The following RAD51B variants were observed in gnomAD, a reference collection of about 807,000 sequenced individuals.
The protein encoded by RAD51B is RAD51 paralog B.
RAD51B carries 38 observed loss-of-function variants against 42.2 expected under a neutral mutation model. The observed-to-expected ratio is 0.90, with a 90% CI of 0.70 to 1.18. The LOEUF is 1.18. Ranked by LOEUF, RAD51B falls within the 50% of genes most tolerant of loss-of-function variation. The probability of loss-of-function intolerance (pLI) is 0.00; values close to 1 mark genes in which losing one functional copy is unlikely to be tolerated. For synonymous variants in RAD51B, 154 were observed against 145.2 expected (o/e 1.06, Z -0.43); for missense variants, 373 against 400.7 (o/e 0.93, Z 0.59).
At chr14:68,171,881 AT>A (rs1200753001) in intron 7 of RAD51B, among the ~76,000 whole-genome samples, 1 of 151,384 alleles carries the variant, frequency 6.6e-6, no homozygotes, top group Non-Finnish European at 1.5e-5. Flanking sequence ...TAATTTTTGT[AT>A]TTTTAGTAGA....
At chr14:68,402,865 G>T (rs1001707434) in intron 8 of RAD51B, among the ~76,000 whole-genome samples, 1 of 152,178 alleles carries the variant, frequency 6.6e-6, no homozygotes, top group African/African-American at 2.4e-5. Context: ...GGAAACTGAG[G>T]CTCAGTGAGG....
At chr14:68,449,868 T>A (rs1358477341) in intron 9 of RAD51B, among the ~76,000 whole-genome samples, 1 of 152,166 alleles carries the variant, frequency 6.6e-6, no homozygotes, top group Admixed American at 6.5e-5. Context: ...TTCCTCCTTG[T>A]GATTAGAAGA....
chr14:68,498,116 G>A (rs548868801), intron 10 of RAD51B, among the ~76,000 whole-genome samples: 2 of 152,308 alleles, frequency 1.3e-5, no homozygotes, highest in Admixed American at 6.5e-5. Flanking sequence ...GAATCATTTT[G>A]TATTTCCATC....
chr14:68,331,787 G>A (rs1054399717), intron 8 of RAD51B, among the ~76,000 whole-genome samples: 6 of 152,108 alleles, frequency 3.9e-5, no homozygotes, highest in Admixed American at 3.9e-4. Context: ...CAATTATCCT[G>A]CATAGATTCA....
At position 68,088,626 on chromosome 14, in the gene RAD51B, GAGAGAGAGAGAGAGAC is replaced by G. The variant is rs113185224; in HGVS notation, c.756+201435_756+201450del. 3.3e-3 allele frequency among the ~76,000 whole-genome samples: 471 copies of G among 141,676 alleles called. 1 individual carries two copies. The highest frequency in any genetic ancestry group is 0.012 in the African/African-American group (451 of 39,212). The allele number at this position is 141,676 out of a possible 152,430, so 92.9% of individuals were successfully genotyped here. Reference sequence around the variant, plus strand: ...TGTGTGTGCGCGTGTGTGTGAGACAGAGAGAGAGAGAGAGACAGAGAGAGAGAGGTGGGGGGGAGAT... The same window carrying G: ...TGTGTGTGCGCGTGTGTGTGAGACAGAGAGAGAGAGAGGTGGGGGGGAGAT... On this transcript the variant is annotated intron_variant, in intron 7 of 10. Coordinates refer to ENST00000471583, the MANE Select transcript of RAD51B (RefSeq NM_133510.4).
downstream of RAD51B, among the ~76,000 whole-genome samples, chr14:68,596,636 A>G (rs901507908): frequency 6.6e-6 from 1 of 152,194 alleles, no homozygotes; most frequent in Non-Finnish European, 1.5e-5. Flanking sequence ...CATAGAAGGA[A>G]ACAGCTGGGC....
At chr14:68,633,776 G>A (rs528694490) in intron 10 of RAD51B, among the ~76,000 whole-genome samples, 4 of 152,320 alleles carry the variant, frequency 2.6e-5, no homozygotes, top group Non-Finnish European at 4.4e-5. Context: ...TTCCTACCTC[G>A]CCCTAAGATG....
chr14:68,395,002 G>A (rs866526413), intron 8 of RAD51B, among the ~76,000 whole-genome samples: 1 of 151,982 alleles, frequency 6.6e-6, no homozygotes, highest in Non-Finnish European at 1.5e-5. Flanking sequence ...TCGGCTCCCC[G>A]CACCAGAACA....
At chr14:68,515,440 CTTCT>C (rs372646465) in intron 10 of RAD51B, among the ~76,000 whole-genome samples, 23,968 of 124,460 alleles carry the variant, frequency 0.19, 2,112 homozygotes, top group East Asian at 0.46. Context: ...TCTTCTTCTT[CTTCT>C]TTTTTTTTTT....
At chr14:67,849,632 C>T (rs2139938789) in intron 4 of RAD51B, among the ~76,000 whole-genome samples, 1 of 152,268 alleles carries the variant, frequency 6.6e-6, no homozygotes, top group Middle Eastern at 3.4e-3. Flanking sequence ...TTTGAAATAT[C>T]AGTTGTAATT....
intron 4 of RAD51B, among the ~76,000 whole-genome samples, chr14:67,840,723 G>A (rs2041397400): frequency 6.6e-6 from 1 of 151,966 alleles, no homozygotes; most frequent in South Asian, 2.1e-4. Context: ...TTTGCACAGT[G>A]ATTGAACTAA....
chr14:68,139,270 T>C lies in RAD51B; in HGVS notation c.757-152614T>C, dbSNP rs1328143541. ...CATCTCTGGAGATATTCTAAATGGT[T>C]TTTTTTTTTTGGCTTGTATAGATGA... On this transcript the variant is annotated intron_variant, in intron 7 of 10. Coordinates refer to ENST00000471583, the MANE Select transcript of RAD51B (RefSeq NM_133510.4). Among the ~76,000 whole-genome samples the C allele has an allele frequency of 3.4e-5, 5 of 149,122 alleles. No individual in the cohort carries two copies. The East Asian group carries it at 9.7e-4, about 29-fold the overall frequency.
At chr14:68,261,280 T>A (rs1004279714) in intron 7 of RAD51B, among the ~76,000 whole-genome samples, 3 of 152,238 alleles carry the variant, frequency 2.0e-5, no homozygotes, top group Admixed American at 1.3e-4. Flanking sequence ...GGAAAAGAGA[T>A]CTGTGTGAAA....
intron 5 of RAD51B, among the ~76,000 whole-genome samples, chr14:67,875,053 G>A (rs2042681498): frequency 6.6e-6 from 1 of 152,136 alleles, no homozygotes; most frequent in Admixed American, 6.6e-5. Context: ...ACTGAGGGAT[G>A]TAGGGAAGTA....
chr14:67,931,082 G>A (rs2044714967), intron 7 of RAD51B, among the ~76,000 whole-genome samples: 1 of 151,914 alleles, frequency 6.6e-6, no homozygotes, highest in African/African-American at 2.4e-5. Flanking sequence ...CACCACGCCT[G>A]GCTAATTTTT....
intron 10 of RAD51B, among the ~76,000 whole-genome samples, chr14:68,538,763 G>A (rs1417691148): frequency 6.6e-6 from 1 of 151,912 alleles, no homozygotes; most frequent in African/African-American, 2.4e-5. Context: ...CTACTTGTAT[G>A]GCGAAAAAGA....
chr14:68,607,738 CG>C (rs1891506424), intron 10 of RAD51B, among the ~76,000 whole-genome samples: 1 of 152,186 alleles, frequency 6.6e-6, no homozygotes, highest in Non-Finnish European at 1.5e-5. Context: ...CAGGAAAGGA[CG>C]GGGAGCACAC....
intron 9 of RAD51B, among the ~76,000 whole-genome samples, chr14:68,420,450 T>C (rs890403926): frequency 2.6e-5 from 4 of 152,130 alleles, no homozygotes; most frequent in Admixed American, 2.6e-4. Flanking sequence ...TTTTTTATTA[T>C]ATGCTAAACA....
intron 8 of RAD51B, among the ~76,000 whole-genome samples, chr14:68,363,556 A>G (rs1385531176): frequency 6.6e-6 from 1 of 152,070 alleles, no homozygotes; most frequent in Non-Finnish European, 1.5e-5. Flanking sequence ...GGGCCTCCTC[A>G]TTGGAGTGTG....
Sources: gnomAD v4.1 joint callset for allele counts (sites outside exome capture counted in the v4.1 genomes callset) on GRCh38, gnomAD v4.1.1 for gene constraint, MANE v1.5 for transcripts, NCBI Gene and HGNC (gene_info 2026-07-23, HGNC 2026-07-21) for gene names.